Variants in MLLT10 observed in about 807,000 individuals in gnomAD.
MLLT10 encodes MLLT10 histone lysine methyltransferase DOT1L cofactor, also known as protein AF-10.
In MLLT10, 30 loss-of-function variants were observed where a neutral mutation model predicts 129.1. The observed-to-expected ratio is 0.23, with a 90% CI of 0.17 to 0.32. MLLT10 has a LOEUF of 0.32. Ranked by LOEUF, MLLT10 falls within the 10% of genes least tolerant of loss-of-function variation. MLLT10 has a pLI of 1.00. For missense variants in MLLT10, 1,119 were observed against 1,268.3 expected (o/e 0.88, Z 1.79); for synonymous variants, 490 against 446.4 (o/e 1.10, Z -1.23).
At position 21,534,535 on chromosome 10, in the gene MLLT10, G is replaced by T. The variant is rs531954553; in HGVS notation, c.-1+15G>T. On this transcript the variant is annotated intron_variant, in intron 1 of 22. Transcript: ENST00000307729. ...GCAAAGCCCGAGTGAGCGAGCGGTG[G>T]GCTGCCGGGCCGGGCGGGGGGCGCC... 12 of 1,233,296 alleles carry T rather than the reference G, an allele frequency of 9.7e-6. No homozygotes were observed. The East Asian group carries it at 3.3e-4, about 34-fold the overall frequency. 76.4% of individuals were successfully genotyped at this position (1,233,296 alleles called of 1,614,324 possible).
intron 21 of MLLT10, among the ~76,000 whole-genome samples, chr10:21,736,785 C>A (rs1000175103): frequency 7.2e-5 from 11 of 152,152 alleles, no homozygotes; most frequent in Non-Finnish European, 8.8e-5. Flanking sequence ...GGCAGTTGCA[C>A]AGTAGGTGTC....
chr10:21,594,144 C>A (rs1179120087), intron 4 of MLLT10, among the ~76,000 whole-genome samples: 1 of 151,922 alleles, frequency 6.6e-6, no homozygotes, highest in East Asian at 1.9e-4. Context: ...ATTCTTAGCT[C>A]TAGTTTGCCC....
intron 8 of MLLT10, chr10:21,624,772 C>T: frequency 9.0e-7 from 1 of 1,109,938 alleles, no homozygotes. Context: ...CATCTGCCTT[C>T]TCTTGCGTCC....
chr10:21,708,739 T>C (rs1007314975), intron 13 of MLLT10: 1 of 985,260 alleles, frequency 1.0e-6, no homozygotes, highest in Non-Finnish European at 1.2e-6. Context: ...TGCTTCTCAA[T>C]ATTATTCTTC....
intron 13 of MLLT10, among the ~76,000 whole-genome samples, chr10:21,711,701 C>T (rs1045280091): frequency 2.0e-5 from 3 of 151,982 alleles, no homozygotes; most frequent in African/African-American, 4.8e-5. Context: ...GCTATGATTG[C>T]ACCACGGCAC....
intron 21 of MLLT10, chr10:21,738,441 G>C (rs2058562175): frequency 2.2e-5 from 28 of 1,289,030 alleles, no homozygotes; most frequent in Non-Finnish European, 2.8e-5. Context: ...CATGGTTAAG[G>C]AATTTTCAGC....
chr10:21,581,146 C>T (rs564302805), intron 3 of MLLT10, among the ~76,000 whole-genome samples: 40 of 150,310 alleles, frequency 2.7e-4, no homozygotes, highest in Non-Finnish European at 4.9e-4. Flanking sequence ...CCCGGGTTCA[C>T]ACCATCCTCC....
chr10:21,629,530 T>G (rs983760724), intron 8 of MLLT10, among the ~76,000 whole-genome samples: 2 of 152,238 alleles, frequency 1.3e-5, no homozygotes, highest in Non-Finnish European at 2.9e-5. Context: ...TATTAAATTT[T>G]CACCCACAAG....
At chr10:21,638,878 A>G (rs1239076725) in intron 8 of MLLT10, among the ~76,000 whole-genome samples, 1 of 152,198 alleles carries the variant, frequency 6.6e-6, no homozygotes, top group African/African-American at 2.4e-5. Context: ...AGAGTAGGCT[A>G]GCTGCCAGCA....
At chr10:21,625,799 C>T in intron 8 of MLLT10, 1 of 768,246 alleles carries the variant, frequency 1.3e-6, no homozygotes, top group Non-Finnish European at 2.4e-6. Context: ...AGCTTCCTTT[C>T]CACAGAAAGT....
intron 3 of MLLT10, among the ~76,000 whole-genome samples, chr10:21,580,215 C>T (rs112041232): frequency 0.01 from 1,553 of 151,582 alleles, 13 homozygotes; most frequent in Non-Finnish European, 0.014. Context: ...GTTGCTGAGA[C>T]ATCCTGTTTT....
chr10:21,539,075 G>A, intron 3 of MLLT10, 163 bp downstream of exon 3: 1 of 496,000 alleles, frequency 2.0e-6, no homozygotes, highest in East Asian at 3.1e-5. Flanking sequence ...AACAGATTTT[G>A]TAAAACTGAA....
chr10:21,626,101 C>A (rs535013103), intron 8 of MLLT10: 160 of 1,608,710 alleles, frequency 9.9e-5, no homozygotes, highest in Non-Finnish European at 7.8e-5. Context: ...ACTCTTGCAC[C>A]TAGCTCCCCT....
At chr10:21,653,352 C>T (rs1301894177) in intron 9 of MLLT10, among the ~76,000 whole-genome samples, 1 of 152,164 alleles carries the variant, frequency 6.6e-6, no homozygotes, top group African/African-American at 2.4e-5. Flanking sequence ...GACTGAGGTG[C>T]CCACTTCTTT....
At chr10:21,650,282 T>C (rs2048894397) in intron 8 of MLLT10, among the ~76,000 whole-genome samples, 1 of 152,042 alleles carries the variant, frequency 6.6e-6, no homozygotes, top group South Asian at 2.1e-4. Flanking sequence ...GCCTAGGAGG[T>C]TGAGGCTGTA....
intron 5 of MLLT10, among the ~76,000 whole-genome samples, chr10:21,609,891 A>G (rs1259208949): frequency 6.6e-6 from 1 of 152,162 alleles, no homozygotes; most frequent in Non-Finnish European, 1.5e-5. Context: ...TCACACACAC[A>G]CACACGCACA....
intron 4 of MLLT10, among the ~76,000 whole-genome samples, chr10:21,588,188 T>C (rs1177048945): frequency 6.6e-6 from 1 of 152,170 alleles, no homozygotes; most frequent in Non-Finnish European, 1.5e-5. Flanking sequence ...TGCCTCAGCC[T>C]CCCAAGTTCC....
At chr10:21,698,496 A>G (rs1312581045) in intron 13 of MLLT10, among the ~76,000 whole-genome samples, 1 of 152,168 alleles carries the variant, frequency 6.6e-6, no homozygotes, top group Non-Finnish European at 1.5e-5. Context: ...TTGATTCCAT[A>G]TCTTTGCTTT....
At chr10:21,564,370 C>T (rs1324754860) in intron 3 of MLLT10, 1 of 152,116 alleles carries the variant, frequency 6.6e-6, no homozygotes, top group Non-Finnish European at 1.5e-5. Flanking sequence ...GATTACAGGC[C>T]ACTACACACG....
Sources: allele counts gnomAD v4.1 joint callset (sites outside exome capture counted in the v4.1 genomes callset), GRCh38; gene constraint gnomAD v4.1.1; transcripts MANE v1.5; gene names NCBI Gene and HGNC (gene_info 2026-07-23, HGNC 2026-07-21).